Variants in ABLIM2 observed in about 807,000 individuals in gnomAD.
ABLIM2 encodes actin-binding LIM protein 2.
ABLIM2 carries 53 observed loss-of-function variants against 97.7 expected under a neutral mutation model. The ratio of observed to expected loss-of-function variants is 0.54; its 90% CI spans 0.44 to 0.68. The LOEUF is 0.68. Ranked by LOEUF, ABLIM2 falls within the 30% of genes least tolerant of loss-of-function variation. The pLI is 0.00. For synonymous variants in ABLIM2, 361 were observed against 345.8 expected (o/e 1.04, Z -0.49); for missense variants, 835 against 867.2 (o/e 0.96, Z 0.47).
chr4:8,095,255 C>G lies in ABLIM2; in HGVS notation c.338+1844G>C, dbSNP rs1209508405. 1.3e-5 allele frequency among the ~76,000 whole-genome samples: 2 copies of G among 152,056 alleles called. No individual in the cohort carries two copies. Among genetic ancestry groups the G allele is most frequent in the Non-Finnish European group, 2.9e-5 (2 of 68,024 alleles). ...CATAGCTGGGACTACAGGCATGCACCACCATGCCAGACTAATTTTTAAATT... is the reference window on the plus strand; with the variant it reads ...CATAGCTGGGACTACAGGCATGCACGACCATGCCAGACTAATTTTTAAATT... On this transcript the variant is annotated intron_variant, in intron 3 of 20. Coordinates refer to ENST00000447017, the MANE Select transcript of ABLIM2 (RefSeq NM_001130083.2). This position sits in a 1 kb window ranked among gnomAD's most constrained non-coding sequence, Gnocchi z 4.7.
rs1297605537 is a variant in ABLIM2 at position 8,032,819 on chromosome 4, C to A, written c.1048-3043G>T. The A allele has an allele frequency of 2.4e-6, 2 of 835,502 alleles. No individual in the cohort carries two copies. The highest frequency in any genetic ancestry group is 3.9e-6 in the Non-Finnish European group (2 of 510,850). 51.8% of individuals were successfully genotyped at this position (835,502 alleles called of 1,614,324 possible). On this transcript the variant is annotated intron_variant, in intron 10 of 20. Coordinates refer to ENST00000447017, the MANE Select transcript of ABLIM2 (RefSeq NM_001130083.2). This position sits in a 1 kb window ranked among gnomAD's most constrained non-coding sequence, Gnocchi z 4.3. ...TCCTCCAGACAGGAAAAGAACTCTACCCCGAGAGACACAAGTCAGGGTTCC... is the reference window on the plus strand; with the variant it reads ...TCCTCCAGACAGGAAAAGAACTCTAACCCGAGAGACACAAGTCAGGGTTCC...
chr4:8,154,384 C>A (rs549746535), intron 1 of ABLIM2, among the ~76,000 whole-genome samples: 1 of 150,062 alleles, frequency 6.7e-6, no homozygotes, highest in South Asian at 2.1e-4. Context: ...CTGGTTCAAG[C>A]GATTCTCCTG....
rs1454866335 is a variant in ABLIM2, at chr4:8,004,528, G to A, written c.1618+3531C>T. 6.6e-6 allele frequency among the ~76,000 whole-genome samples: 1 copy of A among 152,114 alleles called. No individual in the cohort carries two copies. Among genetic ancestry groups the A allele is most frequent in the East Asian group, 1.9e-4 (1 of 5,170 alleles). ...CTCTGGGCAGTGCCTCAAGCTGCCCGGGGGTTTGTATTATGCTGACACGCC... is the reference window on the plus strand; with the variant it reads ...CTCTGGGCAGTGCCTCAAGCTGCCCAGGGGTTTGTATTATGCTGACACGCC... On this transcript the variant is annotated intron_variant, in intron 16 of 20. Coordinates refer to ENST00000447017, the MANE Select transcript of ABLIM2 (RefSeq NM_001130083.2). The surrounding 1 kb of genome is among the most constrained non-coding windows in gnomAD (Gnocchi z 5.9).
At chr4:8,154,587 C>G (rs558800465) in intron 1 of ABLIM2, among the ~76,000 whole-genome samples, 1 of 152,240 alleles carries the variant, frequency 6.6e-6, no homozygotes, top group South Asian at 2.1e-4. Context: ...GCCAATTAAA[C>G]CTGTTTTCTT....
At chr4:8,031,624 A>T (rs1780966015) in intron 10 of ABLIM2, among the ~76,000 whole-genome samples, 1 of 152,150 alleles carries the variant, frequency 6.6e-6, no homozygotes, top group African/African-American at 2.4e-5. Context: ...GTGACCCTGG[A>T]AAGGTTATGT....
At position 8,054,254 on chromosome 4, in the gene ABLIM2, C is replaced by A. The variant is rs1315062604; in HGVS notation, c.764-8G>T. ...GATGCCAGATGGAGGAACCTGTTGACAAATTCCCAAGAGGGAAATGATTAG... is the reference window on the plus strand; with the variant it reads ...GATGCCAGATGGAGGAACCTGTTGAAAAATTCCCAAGAGGGAAATGATTAG... On this transcript the variant is annotated splice_region_variant and splice_polypyrimidine_tract_variant and intron_variant, in intron 7 of 20. Transcript: ENST00000447017. This position sits in a 1 kb window ranked among gnomAD's most constrained non-coding sequence, Gnocchi z 4.9. 2 of 1,613,940 alleles carry A rather than the reference C, an allele frequency of 1.2e-6. No homozygotes were observed. Among genetic ancestry groups the A allele is most frequent in the South Asian group, 1.1e-5 (1 of 91,078 alleles).
At position 8,095,067 on chromosome 4, in the gene ABLIM2, T is replaced by G. The variant is rs1475430349; in HGVS notation, c.338+2032A>C. 1.4e-5 allele frequency among the ~76,000 whole-genome samples: 2 copies of G among 140,788 alleles called. No individual in the cohort carries two copies. The highest frequency in any genetic ancestry group is 4.3e-4 in the East Asian group (2 of 4,658). The allele number at this position is 140,788 out of a possible 152,430, so 92.4% of individuals were successfully genotyped here. The stretch of plus-strand genomic sequence containing the variant: ...TTCCTTCTTTCTTTCTTTCTCTTTC[T>G]TTCTTTCTCTCTCTCTCTCTTTCTT... On this transcript the variant is annotated intron_variant, in intron 3 of 20. Transcript: ENST00000447017. The surrounding 1 kb of genome is among the most constrained non-coding windows in gnomAD (Gnocchi z 4.7).
At chr4:7,994,284 T>G in intron 16 of ABLIM2, among the ~76,000 whole-genome samples, 1 of 26,470 alleles carries the variant, frequency 3.8e-5, no homozygotes, top group African/African-American at 9.3e-5. Context: ...GAGTGTGATA[T>G]TCCCCTTCCT....
At chr4:8,098,800 C>G (rs936351611) in intron 2 of ABLIM2, among the ~76,000 whole-genome samples, 1 of 152,274 alleles carries the variant, frequency 6.6e-6, no homozygotes, top group Admixed American at 6.5e-5. Context: ...TGAGCCAGTG[C>G]GATGTGAGAC....
chr4:8,060,848 C>T, intron 7 of ABLIM2, 119 bp downstream of exon 7: 1 of 850,470 alleles, frequency 1.2e-6, no homozygotes, highest in South Asian at 1.6e-5. Context: ...TGTGGCTGGG[C>T]TGCTCGTGAC....
At chr4:8,131,846 TGA>T (rs1270626896) in intron 1 of ABLIM2, among the ~76,000 whole-genome samples, 2 of 102,604 alleles carry the variant, frequency 1.9e-5, no homozygotes, top group South Asian at 3.1e-4. Context: ...CCCGCATCCC[TGA>T]GCACAGCAGC....
Position 8,132,687 on chromosome 4 carries a change from C to T in ABLIM2, c.10+25993G>A, listed in dbSNP as rs1849603007. 6.6e-6 allele frequency among the ~76,000 whole-genome samples: 1 copy of T among 152,220 alleles called. No homozygotes were observed. The highest frequency in any genetic ancestry group is 6.5e-5 in the Admixed American group (1 of 15,286). On this transcript the variant is annotated intron_variant, in intron 1 of 20. Coordinates refer to ENST00000447017, the MANE Select transcript of ABLIM2 (RefSeq NM_001130083.2). This position sits in a 1 kb window ranked among gnomAD's most constrained non-coding sequence, Gnocchi z 8.0. ...TACCCCGCTGTCTTCCCTCGGGTGA[C>T]TCAGTCCTGGGCCTGCAACAGGCCC...
chr4:7,967,601 C>A (rs1224641294), intron 20 of ABLIM2, among the ~76,000 whole-genome samples: 1 of 152,186 alleles, frequency 6.6e-6, no homozygotes, highest in Admixed American at 6.5e-5. Flanking sequence ...CAGGCCCAGG[C>A]GCAAATCCTC....
intron 11 of ABLIM2, among the ~76,000 whole-genome samples, chr4:8,028,976 G>A (rs565651334): frequency 1.8e-4 from 28 of 152,314 alleles, no homozygotes; most frequent in East Asian, 1.9e-4. Context: ...AAAATCCCTC[G>A]AAAGGCAGTG....
At chr4:8,114,134 C>A (rs771702242) in intron 1 of ABLIM2, among the ~76,000 whole-genome samples, 1 of 152,230 alleles carries the variant, frequency 6.6e-6, no homozygotes, top group Non-Finnish European at 1.5e-5. Flanking sequence ...GCCTGGAAGC[C>A]CTCATGGGCG....
intron 2 of ABLIM2, among the ~76,000 whole-genome samples, chr4:8,097,859 T>G (rs1832540530): frequency 6.6e-6 from 1 of 151,738 alleles, no homozygotes; most frequent in Admixed American, 6.6e-5. Context: ...CCCCACAGTG[T>G]GAACAAGGCC....
At chr4:8,154,715 A>G (rs1277929051) in intron 1 of ABLIM2, among the ~76,000 whole-genome samples, 4 of 152,246 alleles carry the variant, frequency 2.6e-5, no homozygotes, top group Non-Finnish European at 4.4e-5. Context: ...AAGAGAACAT[A>G]GATTTTGGGT....
chr4:8,016,537 C>G (rs1432132489), intron 14 of ABLIM2, among the ~76,000 whole-genome samples: 1 of 152,182 alleles, frequency 6.6e-6, no homozygotes, highest in East Asian at 1.9e-4. Context: ...CACGATGTAG[C>G]TGGAAGCCAG....
At chr4:8,074,177 G>A (rs922489678) in intron 6 of ABLIM2, among the ~76,000 whole-genome samples, 2 of 151,844 alleles carry the variant, frequency 1.3e-5, no homozygotes, top group African/African-American at 4.8e-5. Context: ...GACCCTGCAG[G>A]GTGCGGTGGC....
Sources: allele counts gnomAD v4.1 joint callset (sites outside exome capture counted in the v4.1 genomes callset), GRCh38; gene constraint gnomAD v4.1.1; non-coding constraint Gnocchi (gnomAD v3.1); transcripts MANE v1.5; gene names NCBI Gene and HGNC (gene_info 2026-07-23, HGNC 2026-07-21).